The following ZNF189 variants were observed in gnomAD, a reference collection of about 807,000 sequenced individuals.
The protein encoded by ZNF189 is zinc finger protein 189.
Under a neutral mutation model 53.5 loss-of-function variants are expected in ZNF189, and 33 were observed. The observed-to-expected ratio is 0.62, with a 90% CI of 0.47 to 0.82. The LOEUF is 0.82. ZNF189 is among the 40% of genes least tolerant of loss of function. The pLI, the probability that ZNF189 is intolerant of heterozygous loss-of-function variation, is 0.00. For missense variants in ZNF189, 711 were observed against 753.9 expected, an observed-to-expected ratio of 0.94 and a Z score of 0.67; for synonymous variants, 247 against 238.8, an observed-to-expected ratio of 1.03 and a Z score of -0.32.
rs1239779252 is a variant in ZNF189 at position 101,399,945 on chromosome 9, A to G, written c.95A>G (p.Asp32Gly). 2 of 1,614,160 alleles carry G rather than the reference A, an allele frequency of 1.2e-6. No homozygotes were observed. Among genetic ancestry groups the G allele is most frequent in the East Asian group, 2.2e-5 (1 of 44,866 alleles). Reference protein sequence around the residue: ...FFTQEEWDYLDPAQRSLYKDV... With the variant: ...FFTQEEWDYLGPAQRSLYKDV... ...ACCCAGGAGGAGTGGGATTATCTGG[A>G]CCCAGCTCAGAGAAGCCTGTATAAA... The change falls in exon 2 of 3, where the codon GAC (aspartate) becomes GGC (glycine). Residue 32 changes from aspartate to glycine, a missense_variant. Coordinates refer to ENST00000339664, the MANE Select transcript of ZNF189 (RefSeq NM_003452.4).
In ZNF189 at chr9:101,403,096, A is replaced by ATATGTGTG. The variant is rs1554698975; in HGVS notation, c.160+3088_160+3095dup. On this transcript the variant is annotated intron_variant, in intron 2 of 2. Transcript: ENST00000339664. ...TAGTCTTCAGCCATATCAGCTGCTG[A>ATATGTGTG]TATGTGTGTGTGTGTGTGTGTGTGT... Among the ~76,000 whole-genome samples, 13 of 91,258 alleles carry ATATGTGTG rather than the reference A, an allele frequency of 1.4e-4. 1 individual carries two copies. In the South Asian group the frequency reaches 4.7e-3, roughly 33 times the overall value. 59.9% of individuals were successfully genotyped at this position (91,258 alleles called of 152,430 possible).
At chr9:101,399,635 T>C in intron 1 of ZNF189, 3 of 1,292,326 alleles carry the variant, frequency 2.3e-6, no homozygotes, top group South Asian at 1.7e-5. Flanking sequence ...TGGAGAGGCC[T>C]TGGGGCAGTT....
chr9:101,399,780 C>G, intron 1 of ZNF189, 104 bp from the exon 2 acceptor site: 1 of 1,551,418 alleles, frequency 6.4e-7, no homozygotes, highest in East Asian at 2.3e-5. Flanking sequence ...TATCATGTTC[C>G]TCCTAGCCTA....
At chr9:101,406,965 C>T (rs1830737554) in intron 2 of ZNF189, among the ~76,000 whole-genome samples, 1 of 152,272 alleles carries the variant, frequency 6.6e-6, no homozygotes, top group East Asian at 1.9e-4. Context: ...GGTTTAGAAT[C>T]ACATGTACTT....
In ZNF189 at chr9:101,399,180, G is replaced by A. The variant is rs1451721607; in HGVS notation, c.24G>A (p.Pro8=). 3 of 1,591,600 alleles carry A rather than the reference G, an allele frequency of 1.9e-6. No homozygotes were observed. Among genetic ancestry groups the A allele is most frequent in the Non-Finnish European group, 1.7e-6 (2 of 1,163,564 alleles). Residue 8 remains proline, a synonymous_variant, in exon 1 of 3, where the codon CCG becomes CCA. Coordinates refer to ENST00000339664, the MANE Select transcript of ZNF189 (RefSeq NM_003452.4). ...AGATGGCTTCCCCGAGCCCCCCGCC[G>A]GAGTCGAAGGTAAGTAAGCACCCCC... MASPSPP[P]ESKGLLTFED... is the part of the protein sequence containing the mutation.
intron 2 of ZNF189, among the ~76,000 whole-genome samples, chr9:101,406,081 T>G (rs1454191063): frequency 2.0e-5 from 3 of 152,096 alleles, no homozygotes; most frequent in African/African-American, 7.2e-5. Flanking sequence ...ATGCCCGTTT[T>G]ATTTTTATTT....
At chr9:101,404,655 T>C (rs1051901990) in intron 2 of ZNF189, among the ~76,000 whole-genome samples, 1 of 152,228 alleles carries the variant, frequency 6.6e-6, no homozygotes, top group Non-Finnish European at 1.5e-5. Context: ...ATATTTTCAT[T>C]TGCTTCTTCC....
At chr9:101,404,690 T>G (rs890896757) in intron 2 of ZNF189, among the ~76,000 whole-genome samples, 2 of 152,368 alleles carry the variant, frequency 1.3e-5, no homozygotes, top group Non-Finnish European at 2.9e-5. Context: ...TATATTCATA[T>G]CATCTTCAAG....
intron 2 of ZNF189, among the ~76,000 whole-genome samples, chr9:101,404,569 G>A (rs1302573327): frequency 6.6e-6 from 1 of 151,970 alleles, no homozygotes; most frequent in African/African-American, 2.4e-5. Flanking sequence ...CTATTGTGAA[G>A]CATTTATATC....
intron 2 of ZNF189, chr9:101,407,320 G>C (rs942990359): frequency 5.0e-6 from 2 of 396,720 alleles, no homozygotes; most frequent in Admixed American, 4.4e-5. Context: ...GTAAATGCTT[G>C]TTAATGAATG....
chr9:101,404,033 C>A (rs145259516), intron 2 of ZNF189, among the ~76,000 whole-genome samples: 105 of 152,282 alleles, frequency 6.9e-4, no homozygotes, highest in African/African-American at 2.3e-3. Flanking sequence ...ATTCCAGGTT[C>A]TTTGGCGAAA....
At position 101,408,379 on chromosome 9, in the gene ZNF189, A is replaced by G. The variant is rs965582146; in HGVS notation, c.611A>G (p.Tyr204Cys). The change falls in exon 3 of 3, where the codon TAT becomes TGT. Residue 204 changes from tyrosine to cysteine, a missense_variant. Tyr to Cys is a radical substitution (Grantham distance 194, BLOSUM62 -2). Transcript: ENST00000339664. Reference protein sequence around the residue: ...HQRIHTGERPYECNYCGKTFS... With the variant: ...HQRIHTGERPCECNYCGKTFS... ...AGAATTCACACTGGGGAAAGGCCCT[A>G]TGAGTGTAATTACTGTGGAAAAACC... The G allele has an allele frequency of 2.5e-6, 4 of 1,614,062 alleles. No individual in the cohort carries two copies. Among genetic ancestry groups the G allele is most frequent in the Admixed American group, 3.3e-5 (2 of 60,018 alleles).
At chr9:101,406,717 A>G (rs1830723588) in intron 2 of ZNF189, among the ~76,000 whole-genome samples, 1 of 152,246 alleles carries the variant, frequency 6.6e-6, no homozygotes, top group African/African-American at 2.4e-5. Context: ...TTTAGGGCCA[A>G]ATATAAATGT....
Position 101,399,066 on chromosome 9 carries a change from G to A in ZNF189, c.-91G>A, listed in dbSNP as rs1156769498. The A allele has an allele frequency of 7.6e-6, 7 of 918,280 alleles. No homozygotes were observed. The highest frequency in any genetic ancestry group is 1.1e-5 in the Non-Finnish European group (6 of 558,924). 56.9% of individuals were successfully genotyped at this position (918,280 alleles called of 1,614,324 possible). The stretch of plus-strand genomic sequence containing the variant: ...CCAGCCAGGGATCCTCGTATTCGTC[G>A]AGCCTAATTTCCAGCAGCCGGGTAG... On this transcript the variant is annotated 5_prime_UTR_variant, in exon 1 of 3. Transcript: ENST00000339664.
rs778037073 is a variant in ZNF189 at position 101,399,171 on chromosome 9, C to A, written c.15C>A (p.Ser5Arg). Residue 5 changes from serine (S) to arginine (R), a missense_variant, in exon 1 of 3, where the codon AGC becomes AGA. Ser to Arg is a moderately radical substitution (Grantham distance 110). Transcript: ENST00000339664. MASP[S>R]PPPESKGLLT... ...CTGCCTGGGAGATGGCTTCCCCGAG[C>A]CCCCCGCCGGAGTCGAAGGTAAGTA... 6.3e-7 allele frequency: 1 copy of A among 1,591,632 alleles called. No homozygotes were observed. Among genetic ancestry groups the A allele is most frequent in the Admixed American group, 1.7e-5 (1 of 59,734 alleles).
At chr9:101,404,004 A>C (rs981328900) in intron 2 of ZNF189, among the ~76,000 whole-genome samples, 1 of 152,226 alleles carries the variant, frequency 6.6e-6, no homozygotes, top group Admixed American at 6.5e-5. Context: ...CTTCCGAATA[A>C]CTAGCGATTT....
At position 101,409,471 on chromosome 9, in the gene ZNF189, AT is replaced by A. The variant is rs1416228577; in HGVS notation, c.1704del (p.Tyr568Ter). 1 of 1,614,062 alleles carries A rather than the reference AT, an allele frequency of 6.2e-7. No homozygotes were observed. Among genetic ancestry groups the A allele is most frequent in the Non-Finnish European group, 8.5e-7 (1 of 1,180,032 alleles). Reference protein sequence around the residue: ...HQRIHTGEKPYKCEKCDKSFS... With the variant: ...HQRIHTGEKPXKCEKCDKSFS... ...AGAATACACACAGGAGAGAAACCTTATAAGTGTGAGAAGTGCGACAAAAGTT... is the reference window on the plus strand; with the variant it reads ...AGAATACACACAGGAGAGAAACCTTAAAGTGTGAGAAGTGCGACAAAAGTT... On this transcript the variant is annotated frameshift_variant, in exon 3 of 3. Coordinates refer to ENST00000339664, the MANE Select transcript of ZNF189 (RefSeq NM_003452.4). LOFTEE classifies it high-confidence loss of function.
At chr9:101,402,373 C>T (rs1254328157) in intron 2 of ZNF189, among the ~76,000 whole-genome samples, 1 of 152,098 alleles carries the variant, frequency 6.6e-6, no homozygotes, top group East Asian at 1.9e-4. Flanking sequence ...TAGCACCTAC[C>T]TCATAGGGTT....
chr9:101,406,602 G>A (rs1002383964), intron 2 of ZNF189, among the ~76,000 whole-genome samples: 16 of 152,034 alleles, frequency 1.1e-4, no homozygotes, highest in African/African-American at 3.9e-4. Context: ...TAGGGGAATA[G>A]GAAAAGGTTA....
Sources: gnomAD v4.1 joint callset for allele counts (sites outside exome capture counted in the v4.1 genomes callset) on GRCh38, gnomAD v4.1.1 for gene constraint, MANE v1.5 for transcripts, NCBI Gene and HGNC (gene_info 2026-07-23, HGNC 2026-07-21) for gene names.